The following CP variants were observed in gnomAD, a reference collection of about 807,000 sequenced individuals.
The protein encoded by CP is ceruloplasmin.
CP carries 64 observed loss-of-function variants against 122.4 expected under a neutral mutation model. The observed-to-expected ratio is 0.52, with a 90% CI of 0.43 to 0.64. The LOEUF is 0.64. Ranked by LOEUF, CP falls within the 30% of genes least tolerant of loss-of-function variation. The pLI is 0.00. For missense variants in CP, 1,167 were observed against 1,284.4 expected (o/e 0.91, Z 1.40); for synonymous variants, 440 against 436.4 (o/e 1.01, Z -0.10).
In CP at chr3:149,210,251, C is replaced by A. The variant is rs371878954; in HGVS notation, c.523G>T (p.Val175Leu). The change falls in exon 3 of 19, where the codon GTG becomes TTG. Residue 175 changes from valine to leucine, a missense_variant. Physicochemically the swap from Val to Leu is conservative, Grantham distance 32. Transcript: ENST00000264613. The stretch of plus-strand genomic sequence containing the variant: ...ATGTGGGAATGGTAAATCCTAGTCA[C>A]ACAATTGCCATCTCCTTCCCCAGGA... ...QSPGEGDGNC[V>L]TRIYHSHIDA... 39 of 1,613,964 alleles carry A rather than the reference C, an allele frequency of 2.4e-5. No individual in the cohort carries two copies. Among genetic ancestry groups the A allele is most frequent in the Non-Finnish European group, 3.1e-5 (37 of 1,179,956 alleles).
rs186659271 is a variant in CP, at chr3:149,167,191, C to G, written c.587-1141G>C. On this transcript the variant is annotated intron_variant, in intron 4 of 5. Transcript: ENST00000479771. ...ATAGACATACTGTTAGAGAGATGCC[C>G]GGAGGCAGTCATTCCATATGCTAAT... 17 of 1,613,726 alleles carry G rather than the reference C, an allele frequency of 1.1e-5. No homozygotes were observed. In the African/African-American group the frequency reaches 2.3e-4, roughly 22 times the overall value.
rs1273538946 is a variant in CP, at chr3:149,172,901, A to T, written c.*813T>A. ...CTTGTTTCCATTTTTGTTGATGTGTACTCTTGCTCTTTTAGCTAGAGTGTA... is the reference window on the plus strand; with the variant it reads ...CTTGTTTCCATTTTTGTTGATGTGTTCTCTTGCTCTTTTAGCTAGAGTGTA... On this transcript the variant is annotated 3_prime_UTR_variant, in exon 19 of 19. Coordinates refer to ENST00000264613, the MANE Select transcript of CP (RefSeq NM_000096.4). The T allele has an allele frequency of 6.6e-6, 1 of 152,462 alleles. No homozygotes were observed. The highest frequency in any genetic ancestry group is 1.5e-5 in the Non-Finnish European group (1 of 68,040). 9.4% of individuals were successfully genotyped at this position (152,462 alleles called of 1,614,324 possible).
At chr3:149,167,927 G>A (rs1314753041), downstream of CP, 1 of 1,607,964 alleles carries the variant, frequency 6.2e-7, no homozygotes, top group Admixed American at 1.7e-5. Context: ...CCTGAACTTT[G>A]TCAGAGAATA....
chr3:149,163,303 C>G lies in CP; in HGVS notation c.*14-428G>C, dbSNP rs150006033. Reference sequence around the variant, plus strand: ...GCCTTAGTGGGCCCCCATTTCCTGTCTGTTGCACATACAGGAGCTGTTCTG... The same window carrying G: ...GCCTTAGTGGGCCCCCATTTCCTGTGTGTTGCACATACAGGAGCTGTTCTG... On this transcript the variant is annotated intron_variant, in intron 5 of 5. Transcript: ENST00000479771. Among the ~76,000 whole-genome samples, 666 of 152,268 alleles carry G rather than the reference C, an allele frequency of 4.4e-3. 6 individuals carry two copies. Among genetic ancestry groups the G allele is most frequent in the African/African-American group, 0.015 (622 of 41,558 alleles).
intron 1 of CP, 64 bp from the exon 2 acceptor site, chr3:149,212,762 T>C: frequency 6.5e-7 from 1 of 1,548,834 alleles, no homozygotes; most frequent in South Asian, 1.2e-5. Context: ...ATTATCATTA[T>C]AATTTAATAA....
chr3:149,194,900 A>G (rs892841225), intron 9 of CP, among the ~76,000 whole-genome samples: 13 of 152,352 alleles, frequency 8.5e-5, no homozygotes, highest in Admixed American at 3.9e-4. Flanking sequence ...AGACATAGCT[A>G]TAGCCATGAA....
chr3:149,168,144 A>G, downstream of CP: 1 of 613,876 alleles, frequency 1.6e-6, no homozygotes, highest in East Asian at 2.8e-5. Context: ...TCCCCTTGAC[A>G]TTTGATATTG....
chr3:149,162,720 C>T, exon 6 of CP: 1 of 1,613,976 alleles, frequency 6.2e-7, no homozygotes, highest in Non-Finnish European at 8.5e-7. Flanking sequence ...AGATACAATT[C>T]CTCAGCTCTT....
intron 5 of CP, 28 bp from the exon 6 acceptor site, chr3:149,206,367 T>C: frequency 6.2e-7 from 1 of 1,613,116 alleles, no homozygotes; most frequent in Non-Finnish European, 8.5e-7. Flanking sequence ...GAGGCATTGA[T>C]TAATGAAGAC....
intron 1 of CP, 97 bp downstream of exon 1, chr3:149,221,550 G>T: frequency 8.5e-7 from 1 of 1,176,190 alleles, no homozygotes; most frequent in Non-Finnish European, 1.2e-6. Flanking sequence ...TGCAGTTTCT[G>T]TATATAAGAA....
chr3:149,165,254 T>TA (rs1433745650), intron 5 of CP, among the ~76,000 whole-genome samples: 2 of 152,224 alleles, frequency 1.3e-5, no homozygotes, highest in Non-Finnish European at 2.9e-5. Flanking sequence ...ACACACTAAT[T>TA]ACATATTTAA....
At position 149,221,631 on chromosome 3, in the gene CP, A is replaced by G. The variant is rs765542541; in HGVS notation, c.146+16T>C. On this transcript the variant is annotated intron_variant, in intron 1 of 18. Coordinates refer to ENST00000264613, the MANE Select transcript of CP (RefSeq NM_000096.4). ...CTTAAAATTTTGGTCTATAAACAAT[A>G]AAAATAGTGACTTACGTGTCAACAG... is the stretch of plus-strand genomic sequence containing the variant. 59 of 1,608,702 alleles carry G rather than the reference A, an allele frequency of 3.7e-5. 1 individual carries two copies. The highest frequency in any genetic ancestry group is 8.5e-7 in the Non-Finnish European group (1 of 1,177,928).
chr3:149,162,921 C>G (rs763819697), intron 5 of CP: 75 of 1,438,024 alleles, frequency 5.2e-5, no homozygotes, highest in Non-Finnish European at 7.1e-5. Context: ...TCATGCATTG[C>G]CCATTACAAA....
chr3:149,198,992 C>T (rs1448454274), intron 8 of CP, among the ~76,000 whole-genome samples: 1 of 152,142 alleles, frequency 6.6e-6, no homozygotes, highest in African/African-American at 2.4e-5. Context: ...CATTCCATTC[C>T]ATAATTGTAG....
chr3:149,217,640 T>C (rs75633237), intron 1 of CP, among the ~76,000 whole-genome samples: 1,643 of 152,356 alleles, frequency 0.011, 20 homozygotes, highest in Non-Finnish European at 0.014. Flanking sequence ...TGAATAAACT[T>C]GTTAAACTTT....
At chr3:149,171,610 A>G (rs967469381), downstream of CP, among the ~76,000 whole-genome samples, 4 of 152,212 alleles carry the variant, frequency 2.6e-5, no homozygotes, top group South Asian at 8.3e-4. Flanking sequence ...AGTAAGGAAA[A>G]ATAAGTTACA....
chr3:149,189,890 C>T (rs775448091), intron 9 of CP, among the ~76,000 whole-genome samples: 1 of 151,912 alleles, frequency 6.6e-6, no homozygotes, highest in African/African-American at 2.4e-5. Context: ...ATCCAAATAA[C>T]TTAGATCGAA....
chr3:149,212,741 C>T (rs1728200781), intron 1 of CP, 43 bp from the exon 2 acceptor site: 2 of 1,600,914 alleles, frequency 1.2e-6, no homozygotes, highest in Non-Finnish European at 1.7e-6. Context: ...GCCATCATTT[C>T]TAGGGATGAC....
exon 6 of CP, chr3:149,162,420 A>T: frequency 7.8e-7 from 1 of 1,278,496 alleles, no homozygotes; most frequent in South Asian, 1.2e-5. Flanking sequence ...TGAGTTTTTC[A>T]TTTGTTTGTT....
Sources: gnomAD v4.1 joint callset for allele counts (sites outside exome capture counted in the v4.1 genomes callset) on GRCh38, gnomAD v4.1.1 for gene constraint, MANE v1.5 for transcripts, NCBI Gene and HGNC (gene_info 2026-07-23, HGNC 2026-07-21) for gene names.